The following ULK4 variants were observed in gnomAD, a reference collection of about 807,000 sequenced individuals.
The protein encoded by ULK4 is inactive serine/threonine-protein kinase ULK4.
Under a neutral mutation model 160.6 loss-of-function variants are expected in ULK4, and 133 were observed. The ratio of observed to expected loss-of-function variants is 0.83; its 90% CI spans 0.72 to 0.96. ULK4 has a LOEUF of 0.96. Ranked by LOEUF, ULK4 falls within the 40% of genes least tolerant of loss-of-function variation. ULK4 has a pLI of 0.00. For synonymous variants in ULK4, 534 were observed against 539.8 expected, an observed-to-expected ratio of 0.99 and a Z score of 0.15; for missense variants, 1,580 against 1,499.5, an observed-to-expected ratio of 1.05 and a Z score of -0.89.
At chr3:41,609,591 G>A (rs1160468675) in intron 31 of ULK4, among the ~76,000 whole-genome samples, 1 of 152,188 alleles carries the variant, frequency 6.6e-6, no homozygotes, top group Non-Finnish European at 1.5e-5. Flanking sequence ...GGGTATAGAT[G>A]TAGATTTATC....
chr3:41,362,324 G>A (rs558147055), intron 35 of ULK4, among the ~76,000 whole-genome samples: 3 of 152,206 alleles, frequency 2.0e-5, no homozygotes, highest in Non-Finnish European at 4.4e-5. Context: ...TAACAGAAAA[G>A]GTAGAATTCA....
chr3:41,798,940 T>G (rs2040377654), intron 20 of ULK4, among the ~76,000 whole-genome samples: 1 of 152,026 alleles, frequency 6.6e-6, no homozygotes. Context: ...AGCTTGTCAA[T>G]GGTACCAGGA....
intron 34 of ULK4, among the ~76,000 whole-genome samples, chr3:41,447,271 A>G (rs1575232414): frequency 1.3e-5 from 2 of 152,158 alleles, no homozygotes; most frequent in South Asian, 2.1e-4. Flanking sequence ...AGTGAAATGT[A>G]TTCATATTAA....
intron 21 of ULK4, among the ~76,000 whole-genome samples, chr3:41,773,251 C>T (rs567275465): frequency 2.3e-4 from 35 of 152,154 alleles, no homozygotes; most frequent in African/African-American, 6.7e-4. Flanking sequence ...AAATAAAGGG[C>T]ATTCAATTAG....
intron 7 of ULK4, 94 bp downstream of exon 7, chr3:41,918,363 G>A (rs1699045481): frequency 6.9e-6 from 5 of 723,014 alleles, no homozygotes; most frequent in South Asian, 2.2e-5. Context: ...TAACTTTGGG[G>A]AGTTATGAAT....
At chr3:41,557,808 G>C (rs1413560741) in intron 32 of ULK4, among the ~76,000 whole-genome samples, 1 of 151,868 alleles carries the variant, frequency 6.6e-6, no homozygotes, top group Non-Finnish European at 1.5e-5. Flanking sequence ...AAATAAATTG[G>C]AATATATAAT....
At chr3:41,387,495 G>T (rs531894292) in intron 35 of ULK4, among the ~76,000 whole-genome samples, 1 of 152,108 alleles carries the variant, frequency 6.6e-6, no homozygotes, top group Admixed American at 6.5e-5. Flanking sequence ...TTAACATTAG[G>T]TATATCTCCT....
At chr3:41,492,668 G>A in intron 32 of ULK4, among the ~76,000 whole-genome samples, 1 of 151,912 alleles carries the variant, frequency 6.6e-6, no homozygotes. Context: ...TCAGTATGCT[G>A]TATTCAGGAG....
intron 32 of ULK4, among the ~76,000 whole-genome samples, chr3:41,495,593 T>C (rs556999097): frequency 8.2e-4 from 123 of 150,304 alleles, no homozygotes; most frequent in African/African-American, 2.7e-3. Flanking sequence ...CTAATTGAAC[T>C]AAAGAGCTTC....
At chr3:41,705,442 T>G (rs942612040) in intron 25 of ULK4, 137 bp from the exon 26 acceptor site, 20 of 457,252 alleles carry the variant, frequency 4.4e-5, no homozygotes, top group Non-Finnish European at 5.6e-5. Flanking sequence ...CTATACATAT[T>G]ATATTATTAT....
At chr3:41,653,765 TCA>T (rs1247258201) in intron 30 of ULK4, among the ~76,000 whole-genome samples, 3 of 152,190 alleles carry the variant, frequency 2.0e-5, no homozygotes, top group African/African-American at 4.8e-5. Context: ...CTCACAGGCC[TCA>T]CACAAAAACA....
At chr3:41,605,040 GCTA>G (rs552354176) in intron 31 of ULK4, among the ~76,000 whole-genome samples, 2 of 151,890 alleles carry the variant, frequency 1.3e-5, no homozygotes, top group African/African-American at 2.4e-5. Context: ...TGATCTCTCA[GCTA>G]CTTTGTCCAG....
chr3:41,481,954 T>G (rs2084341671), intron 32 of ULK4, among the ~76,000 whole-genome samples: 1 of 152,068 alleles, frequency 6.6e-6, no homozygotes, highest in Non-Finnish European at 1.5e-5. Flanking sequence ...CACATGACCC[T>G]ATGATTTTTT....
intron 17 of ULK4, among the ~76,000 whole-genome samples, chr3:41,850,056 G>A (rs568662467): frequency 2.5e-4 from 38 of 152,260 alleles, no homozygotes; most frequent in African/African-American, 8.7e-4. Flanking sequence ...GTGAGAACAT[G>A]TGGTGTTTGG....
intron 5 of ULK4, 90 bp downstream of exon 5, chr3:41,931,753 CA>C: frequency 6.8e-7 from 1 of 1,470,906 alleles, no homozygotes; most frequent in African/African-American, 1.4e-5. Context: ...ATTTGAGTGG[CA>C]AAACAAAAGA....
At chr3:41,312,706 G>A (rs2080074667) in intron 35 of ULK4, among the ~76,000 whole-genome samples, 1 of 152,092 alleles carries the variant, frequency 6.6e-6, no homozygotes, top group Non-Finnish European at 1.5e-5. Context: ...TACTTAAGAG[G>A]CTGAGGTGGA....
At chr3:41,399,551 C>CA (rs1392807388) in intron 34 of ULK4, among the ~76,000 whole-genome samples, 1 of 152,084 alleles carries the variant, frequency 6.6e-6, no homozygotes, top group South Asian at 2.1e-4. Flanking sequence ...ATTTCAGTGA[C>CA]AGATATCTAA....
chr3:41,439,768 G>A (rs539763898), intron 34 of ULK4, among the ~76,000 whole-genome samples: 1 of 152,124 alleles, frequency 6.6e-6, no homozygotes, highest in Non-Finnish European at 1.5e-5. Context: ...AAAAATGTCT[G>A]CTGGGATTTT....
intron 34 of ULK4, among the ~76,000 whole-genome samples, chr3:41,454,450 G>T (rs1278549454): frequency 6.8e-6 from 1 of 147,880 alleles, no homozygotes; most frequent in African/African-American, 2.5e-5. Context: ...TGAGGCAGGA[G>T]AATTGCTTGA....
Sources: gnomAD v4.1 joint callset for allele counts (sites outside exome capture counted in the v4.1 genomes callset) on GRCh38, gnomAD v4.1.1 for gene constraint, MANE v1.5 for transcripts, NCBI Gene and HGNC (gene_info 2026-07-23, HGNC 2026-07-21) for gene names.